SLC41A2: variants seen among roughly 807,000 people sequenced by gnomAD.
The protein encoded by SLC41A2 is SLC41A1-like 1.
SLC41A2 carries 32 observed loss-of-function variants against 58.3 expected under a neutral mutation model. The observed-to-expected ratio is 0.55, with a 90% CI of 0.41 to 0.74. The LOEUF (loss-of-function observed/expected upper bound fraction) is 0.74. Ranked by LOEUF, SLC41A2 falls within the 30% of genes least tolerant of loss-of-function variation. SLC41A2 has a pLI of 0.00. For missense variants in SLC41A2, 514 were observed against 680.6 expected (o/e 0.76, Z 2.72); for synonymous variants, 190 against 235.0 (o/e 0.81, Z 1.75).
chr12:104,824,955 G>A (rs775955821), intron 10 of SLC41A2, among the ~76,000 whole-genome samples: 4 of 152,136 alleles, frequency 2.6e-5, no homozygotes, highest in Non-Finnish European at 2.9e-5. Flanking sequence ...TCTTTCCTGC[G>A]GGTAAGAGGC....
rs984303917 is a variant in SLC41A2 at position 104,868,420 on chromosome 12, G to A, written c.1028-1841C>T. 4.6e-5 allele frequency among the ~76,000 whole-genome samples: 7 copies of A among 152,232 alleles called. 1 individual carries two copies. Among genetic ancestry groups the A allele is most frequent in the Admixed American group, 1.3e-4 (2 of 15,290 alleles). ...AGCTATCCTCAACATTAAATCTCTG[G>A]AAGGACATCTGAAGCTGAAAAACGC... is the stretch of plus-strand genomic sequence containing the variant. On this transcript the variant is annotated intron_variant, in intron 6 of 10. Transcript: ENST00000258538.
intron 8 of SLC41A2, among the ~76,000 whole-genome samples, chr12:104,857,671 A>G (rs987308151): frequency 6.6e-5 from 10 of 152,114 alleles, no homozygotes; most frequent in African/African-American, 2.4e-4. Flanking sequence ...AATACTATGC[A>G]GCCATAAAAA....
At chr12:104,905,132 TCCAAGGCC>T (rs1238745050) in intron 3 of SLC41A2, among the ~76,000 whole-genome samples, 1 of 151,786 alleles carries the variant, frequency 6.6e-6, no homozygotes, top group East Asian at 1.9e-4. Flanking sequence ...ACACAGGTTC[TCCAAGGCC>T]CCACCAGAGC....
At chr12:104,815,564 C>A (rs1171724421) in intron 10 of SLC41A2, among the ~76,000 whole-genome samples, 1 of 152,178 alleles carries the variant, frequency 6.6e-6, no homozygotes, top group Non-Finnish European at 1.5e-5. Context: ...AATGCCTCAA[C>A]TGCCAATAAA....
intron 6 of SLC41A2, among the ~76,000 whole-genome samples, chr12:104,880,825 C>T (rs2044328919): frequency 6.6e-6 from 1 of 152,104 alleles, no homozygotes; most frequent in Admixed American, 6.5e-5. Flanking sequence ...ATGATGCTGG[C>T]CTCATAAAAT....
At chr12:104,924,418 T>C (rs889174275) in intron 2 of SLC41A2, among the ~76,000 whole-genome samples, 1 of 152,310 alleles carries the variant, frequency 6.6e-6, no homozygotes, top group East Asian at 1.9e-4. Flanking sequence ...TCTACATATA[T>C]ACCCAAAAGA....
intron 10 of SLC41A2, among the ~76,000 whole-genome samples, chr12:104,831,573 G>C (rs944234140): frequency 6.6e-5 from 10 of 152,096 alleles, no homozygotes; most frequent in African/African-American, 2.4e-4. Context: ...CACTGTAGTT[G>C]TTCATAGAAT....
intron 10 of SLC41A2, among the ~76,000 whole-genome samples, chr12:104,808,077 GCC>G (rs2040998552): frequency 6.6e-6 from 1 of 152,040 alleles, no homozygotes; most frequent in South Asian, 2.1e-4. Flanking sequence ...CTGCCTGATT[GCC>G]CTGGCCAGAA....
At chr12:104,953,539 G>T (rs2135991334) in intron 1 of SLC41A2, among the ~76,000 whole-genome samples, 1 of 152,286 alleles carries the variant, frequency 6.6e-6, no homozygotes, top group Admixed American at 6.5e-5. Context: ...GGCTTTCTTG[G>T]ACTTGCTGTG....
intron 6 of SLC41A2, among the ~76,000 whole-genome samples, chr12:104,878,745 C>T (rs995057902): frequency 2.8e-4 from 43 of 152,178 alleles, no homozygotes; most frequent in Non-Finnish European, 8.8e-5. Flanking sequence ...CAAGTCTTTG[C>T]TATTGTGAAA....
At chr12:104,945,631 A>G (rs374323643) in intron 1 of SLC41A2, among the ~76,000 whole-genome samples, 1 of 152,276 alleles carries the variant, frequency 6.6e-6, no homozygotes, top group Non-Finnish European at 1.5e-5. Context: ...TATGTTTAAG[A>G]CAAAAATAGG....
intron 4 of SLC41A2, among the ~76,000 whole-genome samples, chr12:104,893,188 G>C (rs1307947353): frequency 6.6e-6 from 1 of 152,046 alleles, no homozygotes; most frequent in African/African-American, 2.4e-5. Flanking sequence ...TTTAAAACAG[G>C]CAAAAGATCT....
At chr12:104,922,169 T>A (rs2046625788) in intron 2 of SLC41A2, among the ~76,000 whole-genome samples, 1 of 152,152 alleles carries the variant, frequency 6.6e-6, no homozygotes, top group Admixed American at 6.5e-5. Flanking sequence ...AGTCCTTACT[T>A]ATCAATAATA....
At chr12:104,924,821 A>G (rs1366660375) in intron 2 of SLC41A2, among the ~76,000 whole-genome samples, 4 of 152,150 alleles carry the variant, frequency 2.6e-5, no homozygotes, top group Non-Finnish European at 5.9e-5. Context: ...GTGGTACAGT[A>G]TATTCATATA....
intron 6 of SLC41A2, among the ~76,000 whole-genome samples, chr12:104,876,956 G>C (rs2044078643): frequency 6.6e-6 from 1 of 151,890 alleles, no homozygotes; most frequent in Non-Finnish European, 1.5e-5. Context: ...TATATATTTA[G>C]GTGCTCTGAT....
chr12:104,824,416 T>C (rs537131079), intron 10 of SLC41A2, among the ~76,000 whole-genome samples: 4 of 152,266 alleles, frequency 2.6e-5, no homozygotes, highest in East Asian at 3.9e-4. Context: ...CTGGGGCAGT[T>C]GGAGGAGAGC....
chr12:104,915,898 C>T (rs1472853927), intron 2 of SLC41A2, among the ~76,000 whole-genome samples: 1 of 152,100 alleles, frequency 6.6e-6, no homozygotes, highest in African/African-American at 2.4e-5. Flanking sequence ...ATGATATTGG[C>T]TGTGGGTTTG....
chr12:104,850,473 C>T (rs545491402), intron 8 of SLC41A2, among the ~76,000 whole-genome samples: 11 of 152,114 alleles, frequency 7.2e-5, no homozygotes, highest in South Asian at 2.1e-4. Flanking sequence ...TATATATTGC[C>T]GGATACCTAG....
intron 8 of SLC41A2, among the ~76,000 whole-genome samples, chr12:104,858,044 A>G (rs1167178557): frequency 6.6e-6 from 1 of 152,204 alleles, no homozygotes; most frequent in Non-Finnish European, 1.5e-5. Flanking sequence ...ACCAACAACA[A>G]TAAAGAAATC....
Sources: allele counts gnomAD v4.1 joint callset (sites outside exome capture counted in the v4.1 genomes callset), GRCh38; gene constraint gnomAD v4.1.1; transcripts MANE v1.5; gene names NCBI Gene and HGNC (gene_info 2026-07-23, HGNC 2026-07-21).